The following ZC3H6 variants were observed in gnomAD, a reference collection of about 807,000 sequenced individuals.
The protein encoded by ZC3H6 is zinc finger CCCH-type containing 6.
In ZC3H6, 40 loss-of-function variants were observed where a neutral mutation model predicts 107.7. The ratio of observed to expected loss-of-function variants is 0.37; its 90% CI spans 0.29 to 0.48. The LOEUF (loss-of-function observed/expected upper bound fraction) is 0.48, where lower values mean the gene tolerates loss of function less well. Ranked by LOEUF, ZC3H6 falls within the 20% of genes least tolerant of loss-of-function variation. ZC3H6 has a pLI of 0.98. For missense variants in ZC3H6, 1,267 were observed against 1,410.4 expected, an observed-to-expected ratio of 0.90 and a Z score of 1.63; for synonymous variants, 493 against 487.9, an observed-to-expected ratio of 1.01 and a Z score of -0.14.
chr2:112,302,716 T>G (rs1451166422), intron 2 of ZC3H6, among the ~76,000 whole-genome samples: 1 of 152,204 alleles, frequency 6.6e-6, no homozygotes, highest in Non-Finnish European at 1.5e-5. Flanking sequence ...CAATTACTTA[T>G]GCTTTTCATT....
chr2:112,304,532 C>G (rs1349882148), intron 3 of ZC3H6, among the ~76,000 whole-genome samples: 1 of 152,100 alleles, frequency 6.6e-6, no homozygotes, highest in Non-Finnish European at 1.5e-5. Flanking sequence ...TGCAGGAACC[C>G]CTGGTGTTTC....
chr2:112,289,273 C>A (rs1036802613), intron 1 of ZC3H6, among the ~76,000 whole-genome samples: 1 of 151,220 alleles, frequency 6.6e-6, no homozygotes, highest in African/African-American at 2.4e-5. Flanking sequence ...GCTAGGGTTA[C>A]AGGCATGAGC....
intron 5 of ZC3H6, 106 bp downstream of exon 5, chr2:112,312,043 A>C: frequency 8.6e-7 from 1 of 1,161,682 alleles, no homozygotes; most frequent in Non-Finnish European, 1.2e-6. Flanking sequence ...TAGTAAATGA[A>C]AAATTACCAG....
At chr2:112,278,055 AATC>A (rs1156775786) in intron 1 of ZC3H6, among the ~76,000 whole-genome samples, 4 of 152,212 alleles carry the variant, frequency 2.6e-5, no homozygotes, top group African/African-American at 9.6e-5. Context: ...AATGATAGTT[AATC>A]ATCAGAATCA....
intron 1 of ZC3H6, among the ~76,000 whole-genome samples, chr2:112,285,349 TACTG>T (rs1488780080): frequency 2.0e-5 from 3 of 152,094 alleles, no homozygotes; most frequent in Non-Finnish European, 2.9e-5. Flanking sequence ...AATATTCAGA[TACTG>T]AGTAAATTTT....
chr2:112,280,362 ATGT>A (rs999508063), intron 1 of ZC3H6, among the ~76,000 whole-genome samples: 46 of 152,318 alleles, frequency 3.0e-4, no homozygotes, highest in African/African-American at 9.9e-4. Flanking sequence ...CTCAGGTTTG[ATGT>A]TGTAAAGCAC....
rs1199742857 is a variant in ZC3H6 at position 112,339,950 on chromosome 2, CCTT to C, written c.*7466_*7468del. On this transcript the variant is annotated 3_prime_UTR_variant, in exon 12 of 12. Transcript: ENST00000409871. ...CAAAATTAGGAATAACTTTTCCCCT[CCTT>C]CTTTACTAATAAATTTTCCAAGTTG... 1.3e-5 allele frequency: 2 copies of C among 152,156 alleles called. No homozygotes were observed. Among genetic ancestry groups the C allele is most frequent in the Non-Finnish European group, 2.9e-5 (2 of 68,028 alleles). The allele number at this position is 152,156 out of a possible 1,614,324, so 9.4% of individuals were successfully genotyped here.
intron 7 of ZC3H6, among the ~76,000 whole-genome samples, chr2:112,320,458 A>G (rs1676781109): frequency 1.3e-5 from 2 of 152,134 alleles, no homozygotes; most frequent in African/African-American, 2.4e-5. Context: ...TACTACTCTT[A>G]TCTATTGTGG....
intron 7 of ZC3H6, among the ~76,000 whole-genome samples, chr2:112,319,403 TC>T (rs1676761429): frequency 1.3e-5 from 2 of 152,108 alleles, no homozygotes; most frequent in Non-Finnish European, 1.5e-5. Context: ...CCCACCACTT[TC>T]GGAGGCCAAG....
In ZC3H6 at chr2:112,281,015, G is replaced by A. The variant is rs552246316; in HGVS notation, c.32+4989G>A. Among the ~76,000 whole-genome samples, 3 of 152,238 alleles carry A rather than the reference G, an allele frequency of 2.0e-5. No individual in the cohort carries two copies. In the South Asian group the frequency reaches 6.2e-4, roughly 32 times the overall value. ...TTCAGTCATTTTCATTAAACATGAA[G>A]CTTAATATGTATTGTTCTAGGATCA... On this transcript the variant is annotated intron_variant, in intron 1 of 11. Transcript: ENST00000409871.
chr2:112,305,040 T>C (rs1255516200), intron 3 of ZC3H6, among the ~76,000 whole-genome samples: 1 of 152,224 alleles, frequency 6.6e-6, no homozygotes, highest in African/African-American at 2.4e-5. Flanking sequence ...AAGGTCAATA[T>C]GTCCAGTGAT....
At chr2:112,289,805 A>G (rs1189918659) in intron 1 of ZC3H6, among the ~76,000 whole-genome samples, 2 of 152,222 alleles carry the variant, frequency 1.3e-5, no homozygotes, top group African/African-American at 2.4e-5. Context: ...CAATGGCCCA[A>G]TGACAGCTTA....
At chr2:112,296,257 T>G (rs538722276) in intron 1 of ZC3H6, among the ~76,000 whole-genome samples, 4 of 152,296 alleles carry the variant, frequency 2.6e-5, no homozygotes, top group African/African-American at 9.6e-5. Context: ...TTGGTTTGTC[T>G]GTTTTCAAAG....
rs1245005122 is a variant in ZC3H6 at position 112,333,234 on chromosome 2, G to A, written c.*746G>A. 6.6e-6 allele frequency: 1 copy of A among 152,476 alleles called. No individual in the cohort carries two copies. The highest frequency in any genetic ancestry group is 1.5e-5 in the Non-Finnish European group (1 of 67,980). 9.4% of individuals were successfully genotyped at this position (152,476 alleles called of 1,614,324 possible). On this transcript the variant is annotated 3_prime_UTR_variant, in exon 12 of 12. Transcript: ENST00000409871. ...AGTTACTGCTGTGTTACATTGTGAT[G>A]TTTATGTATGTCAATGTTTTTGTCT...
At chr2:112,297,118 C>G (rs1676255273) in intron 1 of ZC3H6, among the ~76,000 whole-genome samples, 1 of 152,078 alleles carries the variant, frequency 6.6e-6, no homozygotes, top group African/African-American at 2.4e-5. Context: ...GCAGAGGGAA[C>G]CATTGAAGAT....
chr2:112,338,855 G>GTATATA lies in ZC3H6; in HGVS notation c.*6420_*6425dup, dbSNP rs1157174486. ...TATATATATATGTATGTATATGTGT[G>GTATATA]TATATATATATATATATATATATAT... On this transcript the variant is annotated 3_prime_UTR_variant, in exon 12 of 12. Transcript: ENST00000409871. The GTATATA allele has an allele frequency of 1.3e-4, 5 of 38,446 alleles. No individual in the cohort carries two copies. Among genetic ancestry groups the GTATATA allele is most frequent in the Non-Finnish European group, 2.2e-4 (5 of 22,838 alleles). The allele number at this position is 38,446 out of a possible 1,614,324, so 2.4% of individuals were successfully genotyped here.
intron 1 of ZC3H6, among the ~76,000 whole-genome samples, chr2:112,277,543 A>G (rs943717969): frequency 6.6e-6 from 1 of 152,236 alleles, no homozygotes; most frequent in Non-Finnish European, 1.5e-5. Context: ...CTGTGATGAC[A>G]GACCTTTTAA....
intron 1 of ZC3H6, among the ~76,000 whole-genome samples, chr2:112,291,697 A>G (rs56013448): frequency 9.9e-5 from 15 of 152,114 alleles, no homozygotes; most frequent in Admixed American, 9.8e-4. Flanking sequence ...AAAGCTTATT[A>G]CATGTTGGGA....
In ZC3H6 at chr2:112,333,465, T is replaced by C. The variant is rs1246500664; in HGVS notation, c.*977T>C. The C allele has an allele frequency of 1.3e-5, 2 of 152,528 alleles. No individual in the cohort carries two copies. The highest frequency in any genetic ancestry group is 6.5e-5 in the Admixed American group (1 of 15,274). 9.4% of individuals were successfully genotyped at this position (152,528 alleles called of 1,614,324 possible). ...CAGATTGCTAGTATAGTCAACAGTA[T>C]TTGGCTATCAATAAAGAATCTCTTT... On this transcript the variant is annotated 3_prime_UTR_variant, in exon 12 of 12. Transcript: ENST00000409871.
Sources: allele counts gnomAD v4.1 joint callset (sites outside exome capture counted in the v4.1 genomes callset), GRCh38; gene constraint gnomAD v4.1.1; transcripts MANE v1.5; gene names NCBI Gene and HGNC (gene_info 2026-07-23, HGNC 2026-07-21).